The following CDK6 variants were observed in gnomAD, a reference collection of about 807,000 sequenced individuals.
CDK6 encodes cyclin dependent kinase 6, also known as cyclin-dependent kinase 6.
A neutral mutation model predicts 37.1 loss-of-function variants in CDK6; 6 were observed. The observed-to-expected ratio is 0.16, with a 90% CI of 0.09 to 0.32. CDK6 has a LOEUF of 0.32. Among genes scored for constraint, CDK6 ranks in the 10% least tolerant of loss-of-function variants. CDK6 has a pLI of 1.00. For missense variants in CDK6, 224 were observed against 418.9 expected (o/e 0.53, Z 4.06); for synonymous variants, 160 against 161.3 (o/e 0.99, Z 0.06).
intron 4 of CDK6, among the ~76,000 whole-genome samples, chr7:92,698,742 C>A (rs1405819685): frequency 1.3e-5 from 2 of 152,324 alleles, no homozygotes; most frequent in Non-Finnish European, 2.9e-5. Context: ...CTGTCACGCA[C>A]AATCACTGGC....
chr7:92,714,221 C>G (rs549380746), intron 4 of CDK6, among the ~76,000 whole-genome samples: 3 of 152,218 alleles, frequency 2.0e-5, no homozygotes, highest in African/African-American at 7.2e-5. Context: ...TCAGAGATGG[C>G]ATCTGAGTCT....
At chr7:92,672,244 T>G (rs111419447) in intron 4 of CDK6, among the ~76,000 whole-genome samples, 2 of 39,394 alleles carry the variant, frequency 5.1e-5, no homozygotes, top group Admixed American at 2.1e-4. Flanking sequence ...CACACACACA[T>G]ATATGAAGAT....
chr7:92,737,390 CTGT>C (rs2115613066), intron 3 of CDK6, among the ~76,000 whole-genome samples: 1 of 152,282 alleles, frequency 6.6e-6, no homozygotes, highest in East Asian at 1.9e-4. Flanking sequence ...TAGAAATTAT[CTGT>C]TATTATTCAT....
chr7:92,623,808 T>C (rs961946871), intron 5 of CDK6, among the ~76,000 whole-genome samples: 3 of 152,188 alleles, frequency 2.0e-5, no homozygotes, highest in Non-Finnish European at 4.4e-5. Context: ...TCCCTATAAA[T>C]CCCTGCCATA....
chr7:92,717,178 T>TA (rs547680224), intron 4 of CDK6, among the ~76,000 whole-genome samples: 36 of 145,334 alleles, frequency 2.5e-4, no homozygotes, highest in East Asian at 7.9e-4. Context: ...CCCCATCTCT[T>TA]AAAAAAAAAA....
intron 3 of CDK6, among the ~76,000 whole-genome samples, chr7:92,757,791 T>C (rs1326766907): frequency 2.6e-5 from 4 of 152,330 alleles, no homozygotes; most frequent in South Asian, 2.1e-4. Flanking sequence ...AGTGTTCCCT[T>C]TTCTCTACAA....
Position 92,833,060 on chromosome 7 carries a change from C to G in CDK6, c.233+31G>C, listed in dbSNP as rs957124406. On this transcript the variant is annotated intron_variant, in intron 2 of 7. Transcript: ENST00000424848. This position sits in a 1 kb window ranked among gnomAD's most constrained non-coding sequence, Gnocchi z 6.1. ...GGCCCTCCCCGCGCGCGCGAGGCCC[C>G]AGATGGCGAGGGCGCAGCTCCCTGG... 1.4e-5 allele frequency: 21 copies of G among 1,486,024 alleles called. No homozygotes were observed. The highest frequency in any genetic ancestry group is 1.9e-5 in the Non-Finnish European group (21 of 1,100,274). 92.1% of individuals were successfully genotyped at this position (1,486,024 alleles called of 1,614,324 possible).
At chr7:92,762,570 CTTT>C (rs34827459) in intron 3 of CDK6, among the ~76,000 whole-genome samples, 3 of 141,556 alleles carry the variant, frequency 2.1e-5, no homozygotes, top group Non-Finnish European at 3.1e-5. Flanking sequence ...CATAGAACAC[CTTT>C]TTTTTTTTTT....
At chr7:92,812,061 C>G (rs1404356902) in intron 2 of CDK6, among the ~76,000 whole-genome samples, 1 of 152,186 alleles carries the variant, frequency 6.6e-6, no homozygotes, top group Non-Finnish European at 1.5e-5. Context: ...ATCGCTTGAA[C>G]TTGGGAGGTG....
intron 2 of CDK6, among the ~76,000 whole-genome samples, chr7:92,791,503 C>T (rs566252428): frequency 6.6e-6 from 1 of 152,246 alleles, no homozygotes; most frequent in South Asian, 2.1e-4. Flanking sequence ...TACCAGGCCT[C>T]AGACCAACAC....
chr7:92,636,875 G>C (rs964629393), intron 5 of CDK6, among the ~76,000 whole-genome samples: 11 of 152,084 alleles, frequency 7.2e-5, no homozygotes, highest in Non-Finnish European at 1.5e-4. Flanking sequence ...ATGTTAGCCA[G>C]GCTGGTCTCG....
At chr7:92,623,717 A>T (rs1302984773) in intron 5 of CDK6, among the ~76,000 whole-genome samples, 2 of 152,192 alleles carry the variant, frequency 1.3e-5, no homozygotes, top group South Asian at 4.1e-4. Flanking sequence ...ACTGGCAATT[A>T]AAAAAGGTCA....
Position 92,769,188 on chromosome 7 carries a change from A to C in CDK6, c.369+5508T>G, listed in dbSNP as rs888446311. On this transcript the variant is annotated intron_variant, in intron 3 of 7. Coordinates refer to ENST00000424848, the MANE Select transcript of CDK6 (RefSeq NM_001145306.2). ...AACCTAATAGTGTGTTTTATCTCTTACTAAAAATATTACAACCAATAGAAA... is the reference window on the plus strand; with the variant it reads ...AACCTAATAGTGTGTTTTATCTCTTCCTAAAAATATTACAACCAATAGAAA... 3.3e-5 allele frequency among the ~76,000 whole-genome samples: 5 copies of C among 152,218 alleles called. 1 individual carries two copies. Among genetic ancestry groups the C allele is most frequent in the Admixed American group, 3.3e-4 (5 of 15,270 alleles).
At chr7:92,681,509 T>C (rs1797335666) in intron 4 of CDK6, among the ~76,000 whole-genome samples, 1 of 152,202 alleles carries the variant, frequency 6.6e-6, no homozygotes, top group African/African-American at 2.4e-5. Context: ...ACAAAAGGCC[T>C]AGACAGCAAG....
At chr7:92,620,286 T>C (rs1461617525) in intron 6 of CDK6, among the ~76,000 whole-genome samples, 2 of 152,118 alleles carry the variant, frequency 1.3e-5, no homozygotes, top group African/African-American at 4.8e-5. Context: ...CACATAACTA[T>C]ATATATAAAA....
intron 2 of CDK6, among the ~76,000 whole-genome samples, chr7:92,778,753 A>C (rs1562962796): frequency 6.6e-6 from 1 of 151,942 alleles, no homozygotes; most frequent in East Asian, 1.9e-4. Flanking sequence ...GTCAAATACA[A>C]ACACAGAGCT....
intron 5 of CDK6, among the ~76,000 whole-genome samples, chr7:92,624,106 T>C (rs921341063): frequency 2.6e-5 from 4 of 152,134 alleles, no homozygotes; most frequent in African/African-American, 9.7e-5. Flanking sequence ...AGTCATAGCA[T>C]TTCAGTGGTT....
chr7:92,665,169 T>C (rs776252309), intron 5 of CDK6, among the ~76,000 whole-genome samples: 4 of 152,190 alleles, frequency 2.6e-5, no homozygotes, highest in South Asian at 2.1e-4. Flanking sequence ...CAGACAGTTC[T>C]AACTAGGATT....
At chr7:92,751,287 T>C (rs968039221) in intron 3 of CDK6, among the ~76,000 whole-genome samples, 1 of 152,170 alleles carries the variant, frequency 6.6e-6, no homozygotes, top group Admixed American at 6.5e-5. Context: ...CTACTTTGGA[T>C]ACTAGATTAT....
Sources: allele counts gnomAD v4.1 joint callset (sites outside exome capture counted in the v4.1 genomes callset), GRCh38; gene constraint gnomAD v4.1.1; non-coding constraint Gnocchi (gnomAD v3.1); transcripts MANE v1.5; gene names NCBI Gene and HGNC (gene_info 2026-07-23, HGNC 2026-07-21).